The following EXTL3 variants were observed in gnomAD, a reference collection of about 807,000 sequenced individuals.
EXTL3 encodes the protein exostosin-like 3.
A neutral mutation model predicts 69.3 loss-of-function variants in EXTL3; 27 were observed. The observed-to-expected ratio is 0.39, with a 90% CI of 0.29 to 0.54. The LOEUF is 0.54. Among genes scored for constraint, EXTL3 ranks in the 20% least tolerant of loss-of-function variants. The probability of loss-of-function intolerance (pLI) is 0.69; values close to 1 mark genes in which losing one functional copy is unlikely to be tolerated. For missense variants in EXTL3, 1,003 were observed against 1,231.8 expected, an observed-to-expected ratio of 0.81 and a Z score of 2.78; for synonymous variants, 511 against 499.4, an observed-to-expected ratio of 1.02 and a Z score of -0.31.
rs764122764 is a variant in EXTL3, at chr8:28,717,501, C to A, written c.1442C>A (p.Ala481Glu). 1.2e-6 allele frequency: 2 copies of A among 1,614,242 alleles called. No individual in the cohort carries two copies. The highest frequency in any genetic ancestry group is 1.7e-6 in the Non-Finnish European group (2 of 1,180,042). ...PYQDMLQWNEAALVVPKPRVT... is the reference protein window; with the variant it reads ...PYQDMLQWNEEALVVPKPRVT... Reference sequence around the variant, plus strand: ...CAGGACATGCTGCAGTGGAACGAGGCGGCCCTGGTGGTGCCAAAGCCTCGT... The same window carrying A: ...CAGGACATGCTGCAGTGGAACGAGGAGGCCCTGGTGGTGCCAAAGCCTCGT... Residue 481 changes from alanine (A) to glutamate (E), a missense_variant, in exon 3 of 7, where the codon GCG becomes GAG. Physicochemically the swap from Ala to Glu is moderately radical, Grantham distance 107 (BLOSUM62 -1). Around this residue, in one of 2 missense-constraint regions of EXTL3, gnomAD observed 742 missense variants for 815.4 expected, o/e 0.91. Coordinates refer to ENST00000220562, the MANE Select transcript of EXTL3 (RefSeq NM_001440.4). This position sits in a 1 kb window ranked among gnomAD's most constrained non-coding sequence, Gnocchi z 8.3.
intron 2 of EXTL3, among the ~76,000 whole-genome samples, chr8:28,715,146 A>G (rs1042677309): frequency 3.9e-5 from 6 of 152,202 alleles, no homozygotes; most frequent in African/African-American, 1.2e-4. Context: ...TTTTTTGTAA[A>G]GTATTTCCAA....
intron 2 of EXTL3, among the ~76,000 whole-genome samples, chr8:28,714,626 A>C (rs1801102537): frequency 1.3e-5 from 2 of 152,244 alleles, no homozygotes; most frequent in Non-Finnish European, 2.9e-5. Context: ...GAATTAAAAA[A>C]AGAAACCGGG....
intron 1 of EXTL3, among the ~76,000 whole-genome samples, chr8:28,635,070 G>A (rs1298555318): frequency 6.6e-6 from 1 of 152,098 alleles, no homozygotes; most frequent in African/African-American, 2.4e-5. Context: ...ATGAGGATGA[G>A]TCCTCTGAAG....
rs551736421 is a variant in EXTL3 at position 28,747,606 on chromosome 8, T to C, written c.2551-3051T>C. Among the ~76,000 whole-genome samples, 181 of 152,282 alleles carry C rather than the reference T, an allele frequency of 1.2e-3. 2 individuals are homozygous for C. The highest frequency in any genetic ancestry group is 2.0e-3 in the Admixed American group (30 of 15,292). On this transcript the variant is annotated intron_variant, in intron 6 of 6. Transcript: ENST00000220562. The stretch of plus-strand genomic sequence containing the variant: ...AGAAAGAAATCAAAAGTACCAAAAC[T>C]TTTGGCTTATTTCTTTTGGTTCTCT...
At chr8:28,736,833 T>A (rs1185259479) in intron 4 of EXTL3, among the ~76,000 whole-genome samples, 1 of 152,256 alleles carries the variant, frequency 6.6e-6, no homozygotes, top group Admixed American at 6.5e-5. Flanking sequence ...GAGCCAGATC[T>A]TGCTCTGTTG....
At chr8:28,744,958 G>A (rs1476672068) in intron 6 of EXTL3, among the ~76,000 whole-genome samples, 7 of 151,782 alleles carry the variant, frequency 4.6e-5, no homozygotes, top group Non-Finnish European at 7.4e-5. Context: ...GTGAGACTCC[G>A]TCTCAAAAAG....
At chr8:28,731,044 T>A (rs1265880016) in intron 3 of EXTL3, among the ~76,000 whole-genome samples, 179 bp from the exon 4 acceptor site, 2 of 152,204 alleles carry the variant, frequency 1.3e-5, no homozygotes, top group Non-Finnish European at 1.5e-5. Context: ...CTATATACAT[T>A]TATTGAAGTA....
At chr8:28,619,068 GGACACAGCGTGA>G (rs1229731631), upstream of EXTL3, among the ~76,000 whole-genome samples, 2 of 139,646 alleles carry the variant, frequency 1.4e-5, no homozygotes, top group Non-Finnish European at 3.0e-5. Flanking sequence ...CTCTAGCCTG[GGACACAGCGTGA>G]GACTCCGTCT....
At chr8:28,666,620 G>A (rs2130632758) in intron 1 of EXTL3, among the ~76,000 whole-genome samples, 1 of 152,162 alleles carries the variant, frequency 6.6e-6, no homozygotes, top group South Asian at 2.1e-4. Context: ...CTGTCGCCCA[G>A]GCTGGAGTGC....
At chr8:28,609,300 G>C (rs578227698) in intron 2 of EXTL3, among the ~76,000 whole-genome samples, 2 of 152,114 alleles carry the variant, frequency 1.3e-5, no homozygotes, top group South Asian at 4.2e-4. Flanking sequence ...TGTAAGCAGA[G>C]GGAAAACTTG....
upstream of EXTL3, chr8:28,701,015 C>T (rs752844894): frequency 3.3e-5 from 5 of 152,306 alleles, no homozygotes; most frequent in Admixed American, 6.5e-5. Flanking sequence ...GTCCAAGCCG[C>T]CCGGCCTTGT....
intron 1 of EXTL3, among the ~76,000 whole-genome samples, chr8:28,709,339 A>C (rs188088128): frequency 6.6e-6 from 1 of 152,288 alleles, no homozygotes; most frequent in East Asian, 1.9e-4. Context: ...CTATTATCAT[A>C]ATTATTTAAG....
chr8:28,645,687 TTC>T (rs992349236), intron 1 of EXTL3, among the ~76,000 whole-genome samples: 1 of 152,142 alleles, frequency 6.6e-6, no homozygotes, highest in African/African-American at 2.4e-5. Context: ...TCTAAAGTTA[TTC>T]TCTCTGTTTT....
rs1396523028 is a variant in EXTL3, at chr8:28,717,217, G to A, written c.1158G>A (p.Val386=). 1.9e-6 allele frequency: 3 copies of A among 1,614,128 alleles called. No individual in the cohort carries two copies. The highest frequency in any genetic ancestry group is 1.3e-5 in the African/African-American group (1 of 74,952). ...GGATCATTGCCACCCTGAAGGCGGTGCAGGACAGCAAGCTGGATCAGGTCC... is the reference window on the plus strand; with the variant it reads ...GGATCATTGCCACCCTGAAGGCGGTACAGGACAGCAAGCTGGATCAGGTCC... The part of the protein sequence containing the change: ...DDRIIATLKA[V]QDSKLDQVLV... Residue 386 remains valine (V), a synonymous_variant, in exon 3 of 7, where the codon GTG becomes GTA. Transcript: ENST00000220562. The surrounding 1 kb of genome is among the most constrained non-coding windows in gnomAD (Gnocchi z 8.3).
In EXTL3 at chr8:28,717,137, G is replaced by T. The variant is rs373238234; in HGVS notation, c.1078G>T (p.Ala360Ser). The T allele has an allele frequency of 8.1e-5, 131 of 1,614,124 alleles. No individual in the cohort carries two copies. The highest frequency in any genetic ancestry group is 1.1e-4 in the Non-Finnish European group (126 of 1,180,054). Residue 360 changes from alanine (A) to serine (S), a missense_variant, in exon 3 of 7, where the codon GCC (alanine) becomes TCC (serine). Transcript: ENST00000220562. The surrounding 1 kb of genome is among the most constrained non-coding windows in gnomAD (Gnocchi z 8.3). ...GTCTCTGAGGTCTAGCCTTCAGGAG[G>T]CCCGCTCCTTCGAAGAGGAAATGGA... ...IESLRSSLQEARSFEEEMEGD... is the reference protein window; with the variant it reads ...IESLRSSLQESRSFEEEMEGD...
chr8:28,609,866 G>C (rs1254152254), intron 2 of EXTL3, among the ~76,000 whole-genome samples: 1 of 149,918 alleles, frequency 6.7e-6, no homozygotes, highest in Non-Finnish European at 1.5e-5. Context: ...CTCCAGCCTG[G>C]ATGATAGAGT....
chr8:28,636,433 A>G (rs1435719930), intron 1 of EXTL3, among the ~76,000 whole-genome samples: 2 of 152,200 alleles, frequency 1.3e-5, no homozygotes, highest in African/African-American at 4.8e-5. Flanking sequence ...ATCTTGTCAC[A>G]GGACAAGGAA....
rs1320560943 is a variant in EXTL3, at chr8:28,750,726, C to T, written c.2620C>T (p.His874Tyr). The change falls in exon 7 of 7, where the codon CAC becomes TAC. Residue 874 changes from histidine to tyrosine, a missense_variant. Physicochemically the swap from His to Tyr is moderately conservative, Grantham distance 83. Around this residue, in one of 2 missense-constraint regions of EXTL3, gnomAD observed 261 missense variants for 416.4 expected, o/e 0.63. Transcript: ENST00000220562. The surrounding 1 kb of genome is among the most constrained non-coding windows in gnomAD (Gnocchi z 5.2). Reference protein sequence around the residue: ...QALSHDDSHFHERHKCINFFV... With the variant: ...QALSHDDSHFYERHKCINFFV... The stretch of plus-strand genomic sequence containing the variant: ...CCTGTCTCATGATGACTCCCACTTC[C>T]ACGAGCGGCACAAGTGCATCAACTT... The T allele has an allele frequency of 5.0e-6, 8 of 1,614,096 alleles. No homozygotes were observed. The highest frequency in any genetic ancestry group is 1.3e-5 in the African/African-American group (1 of 74,932).
chr8:28,684,038 T>C (rs1807537314), intron 1 of EXTL3, among the ~76,000 whole-genome samples: 1 of 152,186 alleles, frequency 6.6e-6, no homozygotes, highest in Non-Finnish European at 1.5e-5. Flanking sequence ...AGTTTGTCTT[T>C]TTGTGCCTGG....
Sources: gnomAD v4.1 joint callset for allele counts (sites outside exome capture counted in the v4.1 genomes callset) on GRCh38, gnomAD v4.1.1 for gene constraint, gnomAD v4.1.1 regional missense constraint, Gnocchi (gnomAD v3.1) non-coding constraint, MANE v1.5 for transcripts, NCBI Gene and HGNC (gene_info 2026-07-23, HGNC 2026-07-21) for gene names.